SPATA13: variants seen among roughly 807,000 people sequenced by gnomAD.
The protein encoded by SPATA13 is spermatogenesis associated 13, also known as spermatogenesis-associated protein 13.
A neutral mutation model predicts 104.0 loss-of-function variants in SPATA13; 50 were observed. That is an observed-to-expected ratio of 0.48 (90% CI 0.38 to 0.61). SPATA13 has a LOEUF of 0.61. Ranked by LOEUF, SPATA13 falls within the 20% of genes least tolerant of loss-of-function variation. The pLI, the probability that SPATA13 is intolerant of heterozygous loss-of-function variation, is 0.00. For synonymous variants in SPATA13, 606 were observed against 667.5 expected (o/e 0.91, Z 1.42); for missense variants, 1,524 against 1,690.6 (o/e 0.90, Z 1.73).
chr13:24,064,262 G>A (rs1039914198), intron 3 of SPATA13, among the ~76,000 whole-genome samples: 4 of 152,180 alleles, frequency 2.6e-5, no homozygotes, highest in African/African-American at 4.8e-5. Context: ...TACAGTCTCC[G>A]TTTCGTCAAG....
intron 3 of SPATA13, among the ~76,000 whole-genome samples, chr13:24,074,186 C>T (rs1879252114): frequency 6.6e-6 from 1 of 152,218 alleles, no homozygotes; most frequent in Non-Finnish European, 1.5e-5. Context: ...CGTTTCTCCC[C>T]AGCCCCTGGC....
At chr13:24,026,486 T>A (rs1167718597) in intron 3 of SPATA13, among the ~76,000 whole-genome samples, 2 of 152,238 alleles carry the variant, frequency 1.3e-5, no homozygotes, top group Non-Finnish European at 2.9e-5. Flanking sequence ...TTGGGTAAGA[T>A]GGAATTATTT....
At chr13:23,980,623 T>A (rs1451712955) in intron 1 of SPATA13, among the ~76,000 whole-genome samples, 1 of 152,082 alleles carries the variant, frequency 6.6e-6, no homozygotes, top group East Asian at 1.9e-4. Context: ...GAGACAGTCT[T>A]ACTTTGTCGC....
intron 3 of SPATA13, among the ~76,000 whole-genome samples, chr13:24,019,078 A>ATTC (rs1381384761): frequency 6.7e-5 from 9 of 133,510 alleles, no homozygotes; most frequent in East Asian, 4.1e-4. Context: ...TATGATTCTT[A>ATTC]TTATTATTAT....
In SPATA13 at chr13:24,294,795, T is replaced by C. The variant is rs1328343163; in HGVS notation, c.3137T>C (p.Ile1046Thr). Residue 1046 changes from isoleucine to threonine, a missense_variant, in exon 10 of 13, where the codon ATC becomes ACC. Around this residue, in one of 2 missense-constraint regions of SPATA13, gnomAD observed 435 missense variants for 554.8 expected, o/e 0.78. Transcript: ENST00000382108. ...YEAMKNVACL[I>T]NERKRKLESI... ...GCCATGAAGAATGTGGCCTGTCTGA[T>C]CAACGAGCGCAAGCGCAAGCTGGAG... 2 of 1,611,350 alleles carry C rather than the reference T, an allele frequency of 1.2e-6. No individual in the cohort carries two copies. The highest frequency in any genetic ancestry group is 3.3e-5 in the Admixed American group (2 of 60,008).
chr13:24,050,767 C>T (rs1480589095), intron 3 of SPATA13, among the ~76,000 whole-genome samples: 3 of 152,206 alleles, frequency 2.0e-5, no homozygotes, highest in African/African-American at 4.8e-5. Context: ...CTGTGACTCC[C>T]GCGCTGGCAG....
intron 3 of SPATA13, among the ~76,000 whole-genome samples, chr13:24,070,951 G>A (rs926463379): frequency 6.6e-6 from 1 of 152,156 alleles, no homozygotes; most frequent in African/African-American, 2.4e-5. Flanking sequence ...CTTAGGACGT[G>A]CTGACCTCCA....
At chr13:24,139,768 T>C (rs56716982) in intron 3 of SPATA13, among the ~76,000 whole-genome samples, 3,345 of 152,266 alleles carry the variant, frequency 0.022, 96 homozygotes, top group African/African-American at 0.064. Context: ...GTTTTTGTTT[T>C]AAAATCTGTA....
chr13:24,013,442 C>T (rs1341904257), intron 2 of SPATA13, among the ~76,000 whole-genome samples: 1 of 152,184 alleles, frequency 6.6e-6, no homozygotes, highest in Non-Finnish European at 1.5e-5. Flanking sequence ...TTGTGCCTTG[C>T]CCCCCATACC....
chr13:24,273,019 G>A (rs1874730754), intron 4 of SPATA13: 1 of 152,694 alleles, frequency 6.5e-6, no homozygotes, highest in South Asian at 2.1e-4. Flanking sequence ...AGAGGGCCCA[G>A]GATGGATCGG....
chr13:24,087,823 G>C (rs2137786863), intron 3 of SPATA13, among the ~76,000 whole-genome samples: 1 of 152,278 alleles, frequency 6.6e-6, no homozygotes, highest in South Asian at 2.1e-4. Context: ...CCCCAGAGCT[G>C]CTGGACACAG....
intron 9 of SPATA13, among the ~76,000 whole-genome samples, chr13:24,294,486 G>A (rs1206261924): frequency 1.3e-5 from 2 of 152,174 alleles, no homozygotes; most frequent in African/African-American, 4.8e-5. Flanking sequence ...GTCATTCATT[G>A]TAATTTCTGG....
intron 1 of SPATA13, among the ~76,000 whole-genome samples, chr13:23,980,691 A>G (rs1032589155): frequency 1.3e-5 from 2 of 152,132 alleles, no homozygotes; most frequent in Admixed American, 1.3e-4. Context: ...TCCCGGGTTC[A>G]AGCGATTCTC....
chr13:24,172,774 T>C (rs149279655), intron 1 of SPATA13, among the ~76,000 whole-genome samples: 37 of 152,330 alleles, frequency 2.4e-4, no homozygotes, highest in Non-Finnish European at 4.3e-4. Context: ...ATCTTGAAAT[T>C]GGATAGACCT....
At chr13:24,115,212 T>C (rs1198828130) in intron 3 of SPATA13, among the ~76,000 whole-genome samples, 1 of 152,182 alleles carries the variant, frequency 6.6e-6, no homozygotes, top group African/African-American at 2.4e-5. Context: ...CAAGTATTAG[T>C]TGGGTCTTCC....
intron 3 of SPATA13, among the ~76,000 whole-genome samples, chr13:24,049,407 C>T (rs1878258966): frequency 6.6e-6 from 1 of 152,190 alleles, no homozygotes; most frequent in East Asian, 1.9e-4. Context: ...TAGGCTACAA[C>T]GTGCAGCCTC....
chr13:24,176,206 CAA>C (rs1008300463), intron 1 of SPATA13, among the ~76,000 whole-genome samples: 4 of 152,150 alleles, frequency 2.6e-5, no homozygotes, highest in Non-Finnish European at 4.4e-5. Flanking sequence ...ATATACACTG[CAA>C]AAAGTTACTT....
chr13:24,148,795 T>C (rs547866021), intron 3 of SPATA13, among the ~76,000 whole-genome samples: 2 of 152,262 alleles, frequency 1.3e-5, no homozygotes, highest in Admixed American at 1.3e-4. Context: ...TGAGTGTGTG[T>C]CCAGAGAGAT....
intron 3 of SPATA13, among the ~76,000 whole-genome samples, chr13:24,099,975 A>T (rs776082838): frequency 2.6e-5 from 4 of 152,184 alleles, no homozygotes; most frequent in Non-Finnish European, 5.9e-5. Flanking sequence ...AAGAACCGTG[A>T]CTGGCCCAGG....
Sources: gnomAD v4.1 joint callset for allele counts (sites outside exome capture counted in the v4.1 genomes callset) on GRCh38, gnomAD v4.1.1 for gene constraint, gnomAD v4.1.1 regional missense constraint, MANE v1.5 for transcripts, NCBI Gene and HGNC (gene_info 2026-07-23, HGNC 2026-07-21) for gene names.